Variants in ZNF678 observed in about 807,000 individuals in gnomAD.
The protein encoded by ZNF678 is zinc finger protein 678, also known as hypothetical protein MGC42493.
In ZNF678, 5 loss-of-function variants were observed where a neutral mutation model predicts 3.0. The ratio of observed to expected loss-of-function variants is 1.69; its 90% confidence interval spans 0.88 to 3.56. The LOEUF (loss-of-function observed/expected upper bound fraction) is 3.56, where lower values mean the gene tolerates loss of function less well. Among genes scored for constraint, ZNF678 ranks in the 30% most tolerant of loss-of-function variants. The pLI, the probability that ZNF678 is intolerant of heterozygous loss-of-function variation, is 0.00. For missense variants in ZNF678, 593 were observed against 605.0 expected, an observed-to-expected ratio of 0.98 and a Z score of 0.21; for synonymous variants, 218 against 199.6, an observed-to-expected ratio of 1.09 and a Z score of -0.78.
At chr1:227,623,051 T>C (rs149858026) in intron 1 of ZNF678, among the ~76,000 whole-genome samples, 133 of 152,376 alleles carry the variant, frequency 8.7e-4, no homozygotes, top group Middle Eastern at 3.4e-3. Flanking sequence ...CTCTATGTAC[T>C]ACAGCTCTCC....
chr1:227,597,789 G>C (rs1231620744), intron 1 of ZNF678, among the ~76,000 whole-genome samples: 1 of 152,166 alleles, frequency 6.6e-6, no homozygotes, highest in Non-Finnish European at 1.5e-5. Context: ...GCTCAGTAAA[G>C]GATGACACTA....
chr1:227,572,144 T>C (rs1278028625), intron 1 of ZNF678, among the ~76,000 whole-genome samples: 1 of 152,282 alleles, frequency 6.6e-6, no homozygotes, highest in Admixed American at 6.5e-5. Context: ...TTAATAAGGC[T>C]GTGGTCCAAA....
chr1:227,612,352 A>T (rs1658041027), intron 1 of ZNF678, among the ~76,000 whole-genome samples: 2 of 152,050 alleles, frequency 1.3e-5, no homozygotes, highest in African/African-American at 4.8e-5. Flanking sequence ...CCAGTCTGAA[A>T]CCCACATCTT....
chr1:227,573,735 T>G (rs1248396607), intron 1 of ZNF678, among the ~76,000 whole-genome samples: 1 of 152,218 alleles, frequency 6.6e-6, no homozygotes, highest in African/African-American at 2.4e-5. Flanking sequence ...TAAGCTTGTG[T>G]CATGGGAGCT....
intron 1 of ZNF678, among the ~76,000 whole-genome samples, chr1:227,614,524 A>G (rs1223987429): frequency 6.6e-6 from 1 of 152,186 alleles, no homozygotes; most frequent in Non-Finnish European, 1.5e-5. Context: ...TTTATAAAAA[A>G]ATCACCTTTC....
Position 227,654,484 on chromosome 1 carries a change from G to T in ZNF678, c.234G>T (p.Gly78=). Residue 78 remains glycine (G), a synonymous_variant, in exon 4 of 4, where the codon GGG becomes GGT. Transcript: ENST00000343776. ...KDWRTVNEGK[G]QKEYCNRLTQ... The stretch of plus-strand genomic sequence containing the variant: ...GGAGAACTGTGAATGAAGGTAAGGG[G>T]CAGAAAGAATATTGCAATAGACTTA... 1 of 1,613,254 alleles carries T rather than the reference G, an allele frequency of 6.2e-7. No homozygotes were observed. Among genetic ancestry groups the T allele is most frequent in the Non-Finnish European group, 8.5e-7 (1 of 1,179,494 alleles).
intron 5 of ZNF678, among the ~76,000 whole-genome samples, chr1:227,675,038 A>AT (rs1341813938): frequency 2.0e-5 from 3 of 152,234 alleles, no homozygotes; most frequent in Non-Finnish European, 4.4e-5. Context: ...AACTTATGAC[A>AT]TTCATTTGAA....
chr1:227,662,555 C>A (rs1659433480), downstream of ZNF678: 1 of 152,062 alleles, frequency 6.6e-6, no homozygotes, highest in Non-Finnish European at 1.5e-5. Flanking sequence ...ACTGCAGGGC[C>A]AAGGATGTGA....
downstream of ZNF678, among the ~76,000 whole-genome samples, chr1:227,663,310 A>G (rs947281914): frequency 6.6e-6 from 1 of 152,236 alleles, no homozygotes; most frequent in African/African-American, 2.4e-5. Context: ...AAGTGGAAAT[A>G]AAATGTCTTC....
At chr1:227,622,973 G>T (rs762103511) in intron 1 of ZNF678, among the ~76,000 whole-genome samples, 2 of 152,106 alleles carry the variant, frequency 1.3e-5, no homozygotes, top group Non-Finnish European at 2.9e-5. Flanking sequence ...TCCAGGCTTG[G>T]CTCAGGTATG....
At chr1:227,573,791 ATTAG>A (rs1254510856) in intron 1 of ZNF678, among the ~76,000 whole-genome samples, 5 of 140,800 alleles carry the variant, frequency 3.6e-5, no homozygotes, top group African/African-American at 1.4e-4. Context: ...CCTAGTATTC[ATTAG>A]TTATTTTTTC....
chr1:227,598,497 T>C, intron 1 of ZNF678: 2 of 1,364,442 alleles, frequency 1.5e-6, no homozygotes, highest in Non-Finnish European at 1.9e-6. Flanking sequence ...CTTTTTCTTT[T>C]TTTGTTTTTT....
At chr1:227,604,925 C>G (rs867364774) in intron 1 of ZNF678, among the ~76,000 whole-genome samples, 1 of 151,900 alleles carries the variant, frequency 6.6e-6, no homozygotes, top group East Asian at 1.9e-4. Context: ...GTGCAATCTC[C>G]GCTCACTGCA....
intron 1 of ZNF678, among the ~76,000 whole-genome samples, chr1:227,605,091 G>A (rs1194006055): frequency 1.3e-5 from 2 of 152,096 alleles, no homozygotes. Context: ...TCCTGACCTT[G>A]GGATCCGCCC....
chr1:227,613,639 C>T (rs1483263730), intron 1 of ZNF678, among the ~76,000 whole-genome samples: 1 of 152,208 alleles, frequency 6.6e-6, no homozygotes, highest in East Asian at 1.9e-4. Context: ...AACTCACAAA[C>T]AGATATACCC....
chr1:227,652,506 T>G (rs1025927996), intron 3 of ZNF678, among the ~76,000 whole-genome samples: 6 of 152,172 alleles, frequency 3.9e-5, no homozygotes, highest in African/African-American at 1.4e-4. Context: ...ATTGGATTCT[T>G]GTAGCCATTG....
intron 1 of ZNF678, among the ~76,000 whole-genome samples, chr1:227,606,335 A>T (rs760681425): frequency 6.6e-6 from 1 of 152,186 alleles, no homozygotes; most frequent in Non-Finnish European, 1.5e-5. Flanking sequence ...AAGGGAACGT[A>T]CTGTGCCCGG....
At chr1:227,574,945 TTG>T (rs1656950554) in intron 1 of ZNF678, among the ~76,000 whole-genome samples, 1 of 93,052 alleles carries the variant, frequency 1.1e-5, no homozygotes, top group African/African-American at 5.4e-5. Flanking sequence ...ATGGGGTTTT[TTG>T]TTGTTGTTGT....
At position 227,590,980 on chromosome 1, in the gene ZNF678, G is replaced by A. The variant is rs904129092; in HGVS notation, c.-164+27256G>A. Among the ~76,000 whole-genome samples, 29 of 151,774 alleles carry A rather than the reference G, an allele frequency of 1.9e-4. 1 individual carries two copies. Among genetic ancestry groups the A allele is most frequent in the African/African-American group, 7.0e-4 (29 of 41,148 alleles). On this transcript the variant is annotated intron_variant, in intron 1 of 3. Coordinates refer to ENST00000343776, the MANE Select transcript of ZNF678 (RefSeq NM_001367909.1). ...GGGAATTCATTCAGGAACTGGGTCT[G>A]TAGGTACTAATTCTCGGGCTTCCTA...
Sources: gnomAD v4.1 joint callset for allele counts (sites outside exome capture counted in the v4.1 genomes callset) on GRCh38, gnomAD v4.1.1 for gene constraint, MANE v1.5 for transcripts, NCBI Gene and HGNC (gene_info 2026-07-23, HGNC 2026-07-21) for gene names.